Variants in REPS1 observed in about 807,000 individuals in gnomAD.
REPS1 encodes the protein RALBP1 associated Eps domain containing 1.
Under a neutral mutation model 100.9 loss-of-function variants are expected in REPS1, and 39 were observed. The ratio of observed to expected loss-of-function variants is 0.39; its 90% CI spans 0.30 to 0.50. The LOEUF (loss-of-function observed/expected upper bound fraction) is 0.50. Among genes scored for constraint, REPS1 ranks in the 20% least tolerant of loss-of-function variants. REPS1 has a pLI of 0.86. For missense variants in REPS1, 821 were observed against 968.5 expected (o/e 0.85, Z 2.02); for synonymous variants, 324 against 340.3 (o/e 0.95, Z 0.53).
chr6:138,942,772 T>C (rs994200909), intron 7 of REPS1, among the ~76,000 whole-genome samples: 1 of 152,160 alleles, frequency 6.6e-6, no homozygotes, highest in Non-Finnish European at 1.5e-5. Context: ...TTTGTTTTTT[T>C]GAGACAGAAT....
chr6:138,962,505 A>G (rs1783798384), intron 1 of REPS1, among the ~76,000 whole-genome samples: 1 of 152,212 alleles, frequency 6.6e-6, no homozygotes, highest in African/African-American at 2.4e-5. Context: ...AAGGGAAATT[A>G]ATTACTAAAA....
chr6:138,920,656 C>A (rs1780696530), intron 11 of REPS1, among the ~76,000 whole-genome samples: 1 of 152,048 alleles, frequency 6.6e-6, no homozygotes, highest in Non-Finnish European at 1.5e-5. Flanking sequence ...CTTTGAGAAA[C>A]CCTGAAACAT....
intron 7 of REPS1, 74 bp from the exon 8 acceptor site, chr6:138,941,563 G>C: frequency 7.1e-7 from 1 of 1,415,656 alleles, no homozygotes; most frequent in Non-Finnish European, 9.8e-7. Context: ...AGAAGCAAGA[G>C]AAATATTTTC....
Position 138,908,753 on chromosome 6 carries a change from C to G in REPS1, c.2131G>C (p.Asp711His), listed in dbSNP as rs1779823172. 1.2e-6 allele frequency: 2 copies of G among 1,614,030 alleles called. No homozygotes were observed. ...KPVRRRLKSEDELRPEVDEHT... is the reference protein window; with the variant it reads ...KPVRRRLKSEHELRPEVDEHT... ...TCATCAACTTCTGGCCTTAATTCAT[C>G]TTCTGATTTTAATCTTCTTCGAACA... Residue 711 changes from aspartate to histidine, a missense_variant, in exon 18 of 20, where the codon GAT (aspartate) becomes CAT (histidine). Physicochemically the swap from Asp to His is moderately conservative, Grantham distance 81. Transcript: ENST00000450536.
chr6:138,943,711 G>C (rs1049245125), intron 6 of REPS1, 135 bp from the exon 7 acceptor site: 10 of 1,034,032 alleles, frequency 9.7e-6, no homozygotes, highest in Non-Finnish European at 1.1e-5. Context: ...TTGGCCCCCA[G>C]TGATTATAAA....
intron 15 of REPS1, among the ~76,000 whole-genome samples, chr6:138,913,378 T>C (rs543588899): frequency 1.3e-5 from 2 of 152,174 alleles, no homozygotes; most frequent in South Asian, 4.1e-4. Flanking sequence ...TGAAAACCAC[T>C]GCTCTATCCT....
intron 1 of REPS1, among the ~76,000 whole-genome samples, chr6:138,959,268 AAG>A (rs1783588552): frequency 1.3e-5 from 2 of 152,164 alleles, no homozygotes; most frequent in Non-Finnish European, 2.9e-5. Flanking sequence ...AAGAACAATA[AAG>A]GTACACGGAA....
At chr6:138,919,335 G>A (rs925678663) in intron 12 of REPS1, among the ~76,000 whole-genome samples, 3 of 152,026 alleles carry the variant, frequency 2.0e-5, no homozygotes, top group East Asian at 3.9e-4. Flanking sequence ...CCTGATTACC[G>A]CTATCTCCTA....
At chr6:138,925,981 T>C (rs1292404025) in intron 10 of REPS1, among the ~76,000 whole-genome samples, 1 of 152,210 alleles carries the variant, frequency 6.6e-6, no homozygotes, top group Non-Finnish European at 1.5e-5. Flanking sequence ...CCATGTCATT[T>C]GGCATGTCAA....
rs867926807 is a variant in REPS1 at position 138,937,935 on chromosome 6, G to C, written c.1135+3400C>G. The stretch of plus-strand genomic sequence containing the variant: ...ACATGTAAAATTGCAACTGTGCTTT[G>C]CAAAGGAGAAGATTCTTTAGATATT... On this transcript the variant is annotated intron_variant, in intron 8 of 19. Coordinates refer to ENST00000450536, the MANE Select transcript of REPS1 (RefSeq NM_001286611.2). Among the ~76,000 whole-genome samples, 4 of 151,832 alleles carry C rather than the reference G, an allele frequency of 2.6e-5. No homozygotes were observed. In the South Asian group the frequency reaches 6.2e-4, roughly 24 times the overall value.
rs1248296029 is a variant in REPS1, at chr6:138,904,157, T to A, written c.*907A>T. 1 of 152,170 alleles carries A rather than the reference T, an allele frequency of 6.6e-6. No homozygotes were observed. Among genetic ancestry groups the A allele is most frequent in the Non-Finnish European group, 1.5e-5 (1 of 68,014 alleles). The allele number at this position is 152,170 out of a possible 1,614,324, so 9.4% of individuals were successfully genotyped here. ...GCTGTTAGCAATGGATCGAAATGTA[T>A]ATATCATTTAATATTAAACAAAATC... On this transcript the variant is annotated 3_prime_UTR_variant, in exon 20 of 20. Transcript: ENST00000450536.
At chr6:138,960,871 G>A (rs919025666) in intron 1 of REPS1, among the ~76,000 whole-genome samples, 2 of 152,126 alleles carry the variant, frequency 1.3e-5, no homozygotes, top group Non-Finnish European at 2.9e-5. Flanking sequence ...GATCTCACCA[G>A]AAAAGTCATT....
intron 1 of REPS1, among the ~76,000 whole-genome samples, chr6:138,953,011 A>AT (rs1783139016): frequency 6.6e-6 from 1 of 151,572 alleles, no homozygotes. Flanking sequence ...CAAATTTTGT[A>AT]TTTTTAGTAG....
At chr6:138,935,868 GCGC>G (rs1368884803) in intron 8 of REPS1, among the ~76,000 whole-genome samples, 172 of 23,444 alleles carry the variant, frequency 7.3e-3, no homozygotes, top group African/African-American at 0.013. Flanking sequence ...GGGGGGGGGG[GCGC>G]GGGGGAGTGG....
chr6:138,935,856 C>CGGGGGG (rs1449985583), intron 8 of REPS1, among the ~76,000 whole-genome samples: 1 of 2,190 alleles, frequency 4.6e-4, no homozygotes, highest in Non-Finnish European at 1.8e-3. Flanking sequence ...TCCATCTTGG[C>CGGGGGG]GGGGGGGGGG....
At chr6:138,940,600 C>G (rs528721052) in intron 8 of REPS1, among the ~76,000 whole-genome samples, 2 of 151,742 alleles carry the variant, frequency 1.3e-5, no homozygotes, top group Non-Finnish European at 2.9e-5. Flanking sequence ...CAAAAATTAG[C>G]GGGGCATGGT....
chr6:138,930,307 A>G (rs1477532878), intron 8 of REPS1, among the ~76,000 whole-genome samples: 1 of 152,196 alleles, frequency 6.6e-6, no homozygotes, highest in East Asian at 1.9e-4. Flanking sequence ...ACAGCTTTTC[A>G]TGAAAATAAA....
intron 1 of REPS1, among the ~76,000 whole-genome samples, chr6:138,959,292 T>C (rs1166757675): frequency 1.3e-5 from 2 of 152,172 alleles, no homozygotes; most frequent in Non-Finnish European, 2.9e-5. Flanking sequence ...CTACTTCTTA[T>C]TCCTGGTGAG....
chr6:138,933,914 A>G (rs1781633205), intron 8 of REPS1, among the ~76,000 whole-genome samples: 1 of 152,216 alleles, frequency 6.6e-6, no homozygotes, highest in African/African-American at 2.4e-5. Flanking sequence ...AGTTTGTTCC[A>G]CATTGAAATA....
Sources: allele counts gnomAD v4.1 joint callset (sites outside exome capture counted in the v4.1 genomes callset), GRCh38; gene constraint gnomAD v4.1.1; transcripts MANE v1.5; gene names NCBI Gene and HGNC (gene_info 2026-07-23, HGNC 2026-07-21).